Variants in SAMHD1 observed in about 807,000 individuals in gnomAD.
The protein encoded by SAMHD1 is SAM and HD domain containing deoxynucleoside triphosphate triphosphohydrolase 1.
Under a neutral mutation model 79.6 loss-of-function variants are expected in SAMHD1, and 54 were observed. The ratio of observed to expected loss-of-function variants is 0.68; its 90% CI spans 0.55 to 0.85. SAMHD1 has a LOEUF of 0.85. Ranked by LOEUF, SAMHD1 falls within the 40% of genes least tolerant of loss-of-function variation. The pLI is 0.00. For missense variants in SAMHD1, 663 were observed against 782.7 expected (o/e 0.85, Z 1.82); for synonymous variants, 260 against 264.1 (o/e 0.98, Z 0.15).
intron 9 of SAMHD1, among the ~76,000 whole-genome samples, chr20:36,913,633 TCA>T (rs1322766405): frequency 6.6e-6 from 1 of 150,700 alleles, no homozygotes. Flanking sequence ...CTAAAATCTA[TCA>T]CATGCTCAAA....
At chr20:36,950,179 C>T (rs560304242) in intron 1 of SAMHD1, among the ~76,000 whole-genome samples, 5 of 152,112 alleles carry the variant, frequency 3.3e-5, no homozygotes, top group Non-Finnish European at 5.9e-5. Context: ...TGGAGGGTAA[C>T]GAGTTAATCT....
At chr20:36,941,220 G>A in intron 2 of SAMHD1, 109 bp from the exon 3 acceptor site, 2 of 753,374 alleles carry the variant, frequency 2.7e-6, no homozygotes, top group South Asian at 2.9e-5. Flanking sequence ...ACAGAAGTTA[G>A]ATTGGAAGGA....
intron 6 of SAMHD1, among the ~76,000 whole-genome samples, chr20:36,921,457 A>G (rs2063504553): frequency 6.6e-6 from 1 of 151,222 alleles, no homozygotes; most frequent in Non-Finnish European, 1.5e-5. Context: ...GAAAAATAGT[A>G]ACTTTATAAT....
intron 2 of SAMHD1, 88 bp downstream of exon 2, chr20:36,946,650 C>T (rs1472735802): frequency 6.1e-5 from 56 of 922,692 alleles, no homozygotes. Flanking sequence ...AAAATGAGGA[C>T]AGTTTATATC....
chr20:36,939,192 T>TG (rs1344380547), intron 3 of SAMHD1, among the ~76,000 whole-genome samples: 1 of 127,564 alleles, frequency 7.8e-6, no homozygotes, highest in East Asian at 2.3e-4. Flanking sequence ...AGGCAGAGGT[T>TG]GCAGTGAGCT....
intron 15 of SAMHD1, 154 bp from the exon 16 acceptor site, chr20:36,893,220 C>A (rs1990123589): frequency 1.1e-6 from 1 of 902,832 alleles, no homozygotes; most frequent in Non-Finnish European, 1.7e-6. Context: ...TACATATGCC[C>A]TGTGCTTGGG....
rs906841831 is a variant in SAMHD1, at chr20:36,893,401, C to A, written c.1747-335G>T. ...GTTTTCCCAGGAGAAAGACGGGATGCACTGAACCCCTAGCTTCTCTCTCGC... is the reference window on the plus strand; with the variant it reads ...GTTTTCCCAGGAGAAAGACGGGATGAACTGAACCCCTAGCTTCTCTCTCGC... On this transcript the variant is annotated intron_variant, in intron 15 of 15. Coordinates refer to ENST00000646673, the MANE Select transcript of SAMHD1 (RefSeq NM_015474.4). 3 of 400,582 alleles carry A rather than the reference C, an allele frequency of 7.5e-6. No individual in the cohort carries two copies. In the Admixed American group the frequency reaches 1.2e-4, roughly 16 times the overall value. 24.8% of individuals were successfully genotyped at this position (400,582 alleles called of 1,614,324 possible). A position where few individuals can be genotyped will look rare whatever the true frequency, so the allele number is the denominator to read the frequency against.
intron 13 of SAMHD1, among the ~76,000 whole-genome samples, chr20:36,903,475 G>A (rs2063387348): frequency 6.6e-6 from 1 of 151,626 alleles, no homozygotes; most frequent in South Asian, 2.1e-4. Flanking sequence ...TCCTGACTTT[G>A]TGATCGACCC....
Position 36,951,416 on chromosome 20 carries a change from A to C in SAMHD1, c.208+20T>G, listed in dbSNP as rs1402852519. On this transcript the variant is annotated intron_variant, in intron 1 of 15. Coordinates refer to ENST00000646673, the MANE Select transcript of SAMHD1 (RefSeq NM_015474.4). Reference sequence around the variant, plus strand: ...CCCAGGTCGCCGCCCTTCGCCCCTCAGCCCCTCCGGAGCCGCTACCTCGGA... The same window carrying C: ...CCCAGGTCGCCGCCCTTCGCCCCTCCGCCCCTCCGGAGCCGCTACCTCGGA... The C allele has an allele frequency of 6.2e-7, 1 of 1,612,730 alleles. No homozygotes were observed. The highest frequency in any genetic ancestry group is 1.7e-4 in the Middle Eastern group (1 of 6,030).
intron 6 of SAMHD1, 108 bp from the exon 7 acceptor site, chr20:36,919,627 G>T: frequency 1.0e-6 from 1 of 981,282 alleles, no homozygotes. Flanking sequence ...AAGGTCTATT[G>T]CATATTAATT....
intron 13 of SAMHD1, among the ~76,000 whole-genome samples, chr20:36,902,006 G>A (rs563406598): frequency 6.6e-6 from 1 of 152,244 alleles, no homozygotes; most frequent in East Asian, 1.9e-4. Flanking sequence ...GATGGAGGAA[G>A]GCTTGTTTCT....
At chr20:36,931,256 G>A (rs1030187778) in intron 4 of SAMHD1, among the ~76,000 whole-genome samples, 1 of 152,318 alleles carries the variant, frequency 6.6e-6, no homozygotes, top group Admixed American at 6.5e-5. Flanking sequence ...AACAGTATGG[G>A]TGCTCCACAA....
intron 1 of SAMHD1, among the ~76,000 whole-genome samples, chr20:36,950,373 G>A (rs1297762976): frequency 1.3e-5 from 2 of 150,558 alleles, no homozygotes; most frequent in South Asian, 2.1e-4. Context: ...ACCCATTCAA[G>A]CTATCTTTGG....
In SAMHD1 at chr20:36,904,246, C is replaced by A; in HGVS notation, c.1414G>T (p.Asp472Tyr). The change falls in exon 13 of 16, where the codon GAC (aspartate) becomes TAC (tyrosine). Residue 472 changes from aspartate to tyrosine, a missense_variant. Asp to Tyr is a radical substitution (Grantham distance 160, BLOSUM62 -3). Coordinates refer to ENST00000646673, the MANE Select transcript of SAMHD1 (RefSeq NM_015474.4). ...ACCTCTTTTGGAAGAGATTCATAGT[C>A]CTCCTGGAAAACACAAGACTCCCCA... is the stretch of plus-strand genomic sequence containing the variant. ...PTGQIKIKRE[D>Y]YESLPKEVAS... is the part of the protein sequence containing the mutation. 1 of 1,608,810 alleles carries A rather than the reference C, an allele frequency of 6.2e-7. No individual in the cohort carries two copies. The highest frequency in any genetic ancestry group is 8.5e-7 in the Non-Finnish European group (1 of 1,175,250).
intron 9 of SAMHD1, among the ~76,000 whole-genome samples, chr20:36,915,758 A>T (rs1184630857): frequency 6.6e-6 from 1 of 151,732 alleles, no homozygotes; most frequent in Non-Finnish European, 1.5e-5. Context: ...AAAGGTAAAG[A>T]AAAGTTTTAT....
chr20:36,892,841 T>C lies in SAMHD1; in HGVS notation c.*91A>G, dbSNP rs770241845. ...ACATTCAAAATACAAAATTAAAGCATGAGTTGTCATTAATTTGCAGAATTC... is the reference window on the plus strand; with the variant it reads ...ACATTCAAAATACAAAATTAAAGCACGAGTTGTCATTAATTTGCAGAATTC... On this transcript the variant is annotated 3_prime_UTR_variant, in exon 16 of 16. Transcript: ENST00000646673. 3 of 1,497,242 alleles carry C rather than the reference T, an allele frequency of 2.0e-6. No individual in the cohort carries two copies. Among genetic ancestry groups the C allele is most frequent in the East Asian group, 2.3e-5 (1 of 44,356 alleles). The allele number at this position is 1,497,242 out of a possible 1,614,324, so 92.7% of individuals were successfully genotyped here. A position where few individuals can be genotyped will look rare whatever the true frequency, so the allele number is the denominator to read the frequency against.
rs1990096879 is a variant in SAMHD1 at position 36,892,353 on chromosome 20, G to A, written c.*579C>T. 5.5e-6 allele frequency: 1 copy of A among 181,886 alleles called. No homozygotes were observed. The highest frequency in any genetic ancestry group is 5.5e-5 in the Admixed American group (1 of 18,110). The allele number at this position is 181,886 out of a possible 1,614,324, so 11.3% of individuals were successfully genotyped here. On this transcript the variant is annotated 3_prime_UTR_variant, in exon 16 of 16. Coordinates refer to ENST00000646673, the MANE Select transcript of SAMHD1 (RefSeq NM_015474.4). The stretch of plus-strand genomic sequence containing the variant: ...CTCTTAGAGGACTATCCTCAAACTT[G>A]AGGTGACAGGGAACTCTTCACGGGG...
rs71186095 is a variant in SAMHD1 at position 36,947,551 on chromosome 20, GGTGT to G, written c.209-751_209-748del. ...ACTCAATACTCTGATTTGGAAGAGG[GGTGT>G]GTGTGTGTGTGTGTGTGTGTGTGTG... On this transcript the variant is annotated intron_variant, in intron 1 of 15. Coordinates refer to ENST00000646673, the MANE Select transcript of SAMHD1 (RefSeq NM_015474.4). Among the ~76,000 whole-genome samples the G allele has an allele frequency of 4.4e-3, 336 of 75,764 alleles. 23 individuals carry two copies. The highest frequency in any genetic ancestry group is 5.2e-3 in the Non-Finnish European group (212 of 41,060). The allele number at this position is 75,764 out of a possible 152,430, so 49.7% of individuals were successfully genotyped here. A position where few individuals can be genotyped will look rare whatever the true frequency, so the allele number is the denominator to read the frequency against.
At chr20:36,914,243 C>T (rs917621401) in intron 9 of SAMHD1, among the ~76,000 whole-genome samples, 4 of 152,176 alleles carry the variant, frequency 2.6e-5, no homozygotes, top group African/African-American at 9.7e-5. Context: ...CCAATCCCTC[C>T]TGTTCCTGAG....
Sources: allele counts gnomAD v4.1 joint callset (sites outside exome capture counted in the v4.1 genomes callset), GRCh38; gene constraint gnomAD v4.1.1; transcripts MANE v1.5; gene names NCBI Gene and HGNC (gene_info 2026-07-23, HGNC 2026-07-21).